CDH1: variants seen among roughly 807,000 people sequenced by gnomAD.
The protein encoded by CDH1 is cadherin-1.
Under a neutral mutation model 84.5 loss-of-function variants are expected in CDH1, and 35 were observed. That is an observed-to-expected ratio of 0.41 (90% CI 0.32 to 0.55). The LOEUF (loss-of-function observed/expected upper bound fraction) is 0.55. Among genes scored for constraint, CDH1 ranks in the 20% least tolerant of loss-of-function variants. CDH1 has a pLI of 0.19. For synonymous variants in CDH1, 417 were observed against 439.0 expected, an observed-to-expected ratio of 0.95 and a Z score of 0.63; for missense variants, 994 against 1,126.6, an observed-to-expected ratio of 0.88 and a Z score of 1.68.
At chr16:68,820,352 AT>A (rs1323169351) in intron 11 of CDH1, among the ~76,000 whole-genome samples, 6,939 of 138,624 alleles carry the variant, frequency 0.05, 163 homozygotes, top group African/African-American at 0.088. Context: ...TTGCTGTTTA[AT>A]TTTTTTTTTT....
chr16:68,752,056 A>G (rs543812705), intron 2 of CDH1, among the ~76,000 whole-genome samples: 4 of 149,640 alleles, frequency 2.7e-5, no homozygotes, highest in Middle Eastern at 3.5e-3. Context: ...GGTTCAAGCA[A>G]TTCTCCTGTC....
At chr16:68,799,771 T>C (rs1242299562) in intron 2 of CDH1, among the ~76,000 whole-genome samples, 2 of 152,050 alleles carry the variant, frequency 1.3e-5, no homozygotes, top group Non-Finnish European at 2.9e-5. Flanking sequence ...CCCAGCACTT[T>C]GGGAGGCGAG....
intron 2 of CDH1, among the ~76,000 whole-genome samples, chr16:68,790,835 A>G (rs568696941): frequency 3.9e-5 from 6 of 152,290 alleles, no homozygotes; most frequent in African/African-American, 1.4e-4. Context: ...GGCAGCAGAT[A>G]CCAATCCAGG....
chr16:68,821,211 G>A (rs2113204), intron 11 of CDH1, among the ~76,000 whole-genome samples: 29,221 of 151,668 alleles, frequency 0.19, 3,203 homozygotes, highest in African/African-American at 0.32. Flanking sequence ...AGTGGCTCAC[G>A]CCTATAATCC....
chr16:68,803,977 T>C (rs1270995725), intron 3 of CDH1, among the ~76,000 whole-genome samples: 1 of 152,064 alleles, frequency 6.6e-6, no homozygotes, highest in Non-Finnish European at 1.5e-5. Context: ...GACCTCGTGA[T>C]CCCAGATGGC....
At chr16:68,748,803 A>G (rs957641862) in intron 2 of CDH1, among the ~76,000 whole-genome samples, 5 of 152,196 alleles carry the variant, frequency 3.3e-5, no homozygotes, top group African/African-American at 1.2e-4. Flanking sequence ...GAGAGGTGTT[A>G]TGTGCCTGCC....
intron 2 of CDH1, among the ~76,000 whole-genome samples, chr16:68,749,994 A>G (rs1962846751): frequency 6.6e-6 from 1 of 151,642 alleles, no homozygotes; most frequent in African/African-American, 2.4e-5. Flanking sequence ...TAAGAAACAG[A>G]GTCTTGCTCT....
At chr16:68,752,005 G>A (rs1177087238) in intron 2 of CDH1, among the ~76,000 whole-genome samples, 7 of 149,180 alleles carry the variant, frequency 4.7e-5, no homozygotes, top group Non-Finnish European at 7.4e-5. Flanking sequence ...AGGCTGGAGT[G>A]CAGTGGCTTG....
chr16:68,821,964 T>G lies in CDH1; in HGVS notation c.1712-37T>G, dbSNP rs35831514. On this transcript the variant is annotated intron_variant, in intron 11 of 15. Transcript: ENST00000261769. Reference sequence around the variant, plus strand: ...GAAGGCAATGGGGATTCATTACTGTTGCCAAGCTGCCACATTTTCTGTGTA... The same window carrying G: ...GAAGGCAATGGGGATTCATTACTGTGGCCAAGCTGCCACATTTTCTGTGTA... 8.7e-4 allele frequency: 1,340 copies of G among 1,541,198 alleles called. 10 individuals carry two copies. The African/African-American group carries it at 0.017, about 19-fold the overall frequency.
chr16:68,754,094 G>A lies in CDH1; in HGVS notation c.163+15683G>A, dbSNP rs145287036. ...AGTGAGCCATTGTACTCCAGCCTGG[G>A]TGACAGAGCGAGATTCTGTCTCAAA... On this transcript the variant is annotated intron_variant, in intron 2 of 15. Transcript: ENST00000261769. 4.5e-3 allele frequency among the ~76,000 whole-genome samples: 667 copies of A among 148,576 alleles called. 1 individual carries two copies. The highest frequency in any genetic ancestry group is 6.9e-3 in the Non-Finnish European group (468 of 67,364).
At chr16:68,750,150 C>CTTGTTTTTTTTTTTTTTTTTT (rs1962850934) in intron 2 of CDH1, among the ~76,000 whole-genome samples, 1 of 79,096 alleles carries the variant, frequency 1.3e-5, no homozygotes, top group Non-Finnish European at 2.6e-5. Flanking sequence ...TAGAATTCAG[C>CTTGTTTTTTTTTTTTTTTTTT]TTTTTTTTTT....
In CDH1 at chr16:68,835,097, G is replaced by A. The variant is rs1473020335; in HGVS notation, c.*1598G>A. ...TGAACACATTTGCCCAATTCCAGGT[G>A]TGCACAGAAAACCGAGAATATTCAA... On this transcript the variant is annotated 3_prime_UTR_variant, in exon 16 of 16. Transcript: ENST00000261769. 2 of 231,832 alleles carry A rather than the reference G, an allele frequency of 8.6e-6. No homozygotes were observed. Among genetic ancestry groups the A allele is most frequent in the East Asian group, 6.1e-5 (1 of 16,514 alleles). 14.4% of individuals were successfully genotyped at this position (231,832 alleles called of 1,614,324 possible). A position where few individuals can be genotyped will look rare whatever the true frequency, so the allele number is the denominator to read the frequency against.
Position 68,801,746 on chromosome 16 carries a change from T to C in CDH1, c.240T>C (p.Asp80=), listed in dbSNP as rs760062352. ...ACACCCGATTCAAAGTGGGCACAGA[T>C]GGTGTGATTACAGTCAAAAGGCCTC... is the stretch of plus-strand genomic sequence containing the variant. ...SLDTRFKVGT[D]GVITVKRPLR... The change falls in exon 3 of 16, where the codon GAT becomes GAC. Residue 80 remains aspartate, a synonymous_variant. Coordinates refer to ENST00000261769, the MANE Select transcript of CDH1 (RefSeq NM_004360.5). 1.9e-6 allele frequency: 3 copies of C among 1,614,066 alleles called. No individual in the cohort carries two copies. Among genetic ancestry groups the C allele is most frequent in the Non-Finnish European group, 2.5e-6 (3 of 1,180,028 alleles).
At chr16:68,818,239 C>CAAA (rs576537213) in intron 10 of CDH1, among the ~76,000 whole-genome samples, 3,216 of 83,514 alleles carry the variant, frequency 0.039, 198 homozygotes, top group African/African-American at 0.1. Context: ...GACTCTGTCC[C>CAAA]AAAAAAAAAA....
At chr16:68,819,650 G>T (rs143621095) in intron 11 of CDH1, among the ~76,000 whole-genome samples, 5 of 152,034 alleles carry the variant, frequency 3.3e-5, no homozygotes, top group Non-Finnish European at 7.4e-5. Context: ...CAAATAACAT[G>T]CATTGTACCC....
intron 2 of CDH1, among the ~76,000 whole-genome samples, chr16:68,743,844 A>G (rs1023294919): frequency 6.6e-6 from 1 of 152,238 alleles, no homozygotes; most frequent in African/African-American, 2.4e-5. Context: ...CTTTACTTCT[A>G]TGAGTCTCAG....
intron 11 of CDH1, among the ~76,000 whole-genome samples, chr16:68,821,519 C>A (rs1196956070): frequency 2.0e-5 from 3 of 149,554 alleles, no homozygotes; most frequent in Non-Finnish European, 3.0e-5. Context: ...TTTTGAAAAC[C>A]AATTTGCAGA....
chr16:68,831,225 C>T (rs1471011964), intron 15 of CDH1, among the ~76,000 whole-genome samples: 1 of 150,404 alleles, frequency 6.6e-6, no homozygotes, highest in Non-Finnish European at 1.5e-5. Context: ...CCTACAGGCA[C>T]CTGCCATCAA....
intron 2 of CDH1, among the ~76,000 whole-genome samples, chr16:68,767,081 G>A (rs1400983501): frequency 6.6e-6 from 1 of 151,898 alleles, no homozygotes; most frequent in East Asian, 1.9e-4. Context: ...ATTTAGCTGT[G>A]GTCTGCTGTG....
Sources: allele counts gnomAD v4.1 joint callset (sites outside exome capture counted in the v4.1 genomes callset), GRCh38; gene constraint gnomAD v4.1.1; transcripts MANE v1.5; gene names NCBI Gene and HGNC (gene_info 2026-07-23, HGNC 2026-07-21).